Variants in LNX2 observed in about 807,000 individuals in gnomAD.
LNX2 encodes the protein ligand of numb-protein X 2.
A neutral mutation model predicts 66.2 loss-of-function variants in LNX2; 35 were observed. The observed-to-expected ratio is 0.53, with a 90% CI of 0.40 to 0.70. The LOEUF (loss-of-function observed/expected upper bound fraction) is 0.70. Ranked by LOEUF, LNX2 falls within the 30% of genes least tolerant of loss-of-function variation. The pLI, the probability that LNX2 is intolerant of heterozygous loss-of-function variation, is 0.00. For synonymous variants in LNX2, 337 were observed against 315.6 expected (o/e 1.07, Z -0.72); for missense variants, 791 against 850.8 (o/e 0.93, Z 0.87).
chr13:27,559,862 T>C lies in LNX2; in HGVS notation c.1348A>G (p.Ser450Gly). ...CTCACCTTATGTGAGCTTGGTCTGC[T>C]ATAATACGGTGGTGGTGTGTGGTGC... ...SQHHTPPPYY[S>G]RPSSHKDLTQ... The change falls in exon 6 of 10, where the codon AGC (serine) becomes GGC (glycine). Residue 450 changes from serine to glycine, a missense_variant. Coordinates refer to ENST00000316334, the MANE Select transcript of LNX2 (RefSeq NM_153371.4). 1 of 1,602,966 alleles carries C rather than the reference T, an allele frequency of 6.2e-7. No individual in the cohort carries two copies. Among genetic ancestry groups the C allele is most frequent in the African/African-American group, 1.3e-5 (1 of 74,468 alleles).
At chr13:27,553,151 A>AG (rs1955024002) in intron 8 of LNX2, 57 bp downstream of exon 8, 1 of 1,426,020 alleles carries the variant, frequency 7.0e-7, no homozygotes, top group African/African-American at 1.4e-5. Context: ...CTACACACTG[A>AG]TAAGGGCTGC....
intron 4 of LNX2, among the ~76,000 whole-genome samples, chr13:27,564,851 T>C (rs1000210845): frequency 6.6e-6 from 1 of 152,214 alleles, no homozygotes; most frequent in Non-Finnish European, 1.5e-5. Context: ...AATAGGCCTC[T>C]TTCCAAGTGT....
chr13:27,581,758 C>T lies in LNX2; in HGVS notation c.-55G>A. The T allele has an allele frequency of 6.9e-7, 1 of 1,453,178 alleles. No individual in the cohort carries two copies. The highest frequency in any genetic ancestry group is 9.3e-7 in the Non-Finnish European group (1 of 1,074,718). 90.0% of individuals were successfully genotyped at this position (1,453,178 alleles called of 1,614,324 possible). On this transcript the variant is annotated 5_prime_UTR_variant, in exon 2 of 10. Transcript: ENST00000316334. ...AGACTTCCACTTCACGCTTGGTTTC[C>T]TTTAACAGACAGTGATGTATCTGAC...
At chr13:27,582,422 T>C (rs915092351) in intron 1 of LNX2, among the ~76,000 whole-genome samples, 10 of 152,322 alleles carry the variant, frequency 6.6e-5, no homozygotes, top group African/African-American at 2.2e-4. Flanking sequence ...CGATTTGTTT[T>C]ACTGACTGAA....
In LNX2 at chr13:27,583,255, T is replaced by TGCGTGCGCGCGCGC. The variant is rs1555268513; in HGVS notation, c.-100-1453_-100-1452insGCGCGCGCGCACGC. Among the ~76,000 whole-genome samples, 16 of 58,528 alleles carry TGCGTGCGCGCGCGC rather than the reference T, an allele frequency of 2.7e-4. 7 individuals carry two copies. Among genetic ancestry groups the TGCGTGCGCGCGCGC allele is most frequent in the East Asian group, 1.4e-3 (2 of 1,388 alleles). The allele number at this position is 58,528 out of a possible 152,430, so 38.4% of individuals were successfully genotyped here. ...GTGTGTGTGTGTGTGTGTGTGTGTG[T>TGCGTGCGCGCGCGC]GCGCGCGTCCTCTCCAACATACTTA... On this transcript the variant is annotated intron_variant, in intron 1 of 9. Transcript: ENST00000316334.
chr13:27,555,121 G>C (rs928940411), intron 7 of LNX2, among the ~76,000 whole-genome samples: 3 of 152,062 alleles, frequency 2.0e-5, no homozygotes, highest in African/African-American at 2.4e-5. Flanking sequence ...GCTAATTTTT[G>C]TATTTTTTGT....
chr13:27,601,682 T>G (rs1308931017), intron 1 of LNX2, among the ~76,000 whole-genome samples: 1 of 152,110 alleles, frequency 6.6e-6, no homozygotes, highest in Non-Finnish European at 1.5e-5. Flanking sequence ...TTCCCAAAAA[T>G]TTTTTAAAAT....
chr13:27,588,243 A>T (rs1955512943), intron 1 of LNX2, among the ~76,000 whole-genome samples: 1 of 152,218 alleles, frequency 6.6e-6, no homozygotes, highest in Non-Finnish European at 1.5e-5. Flanking sequence ...TTTTATTTGT[A>T]GTAGCCAGAA....
At position 27,547,973 on chromosome 13, in the gene LNX2, A is replaced by G. The variant is rs1232817084; in HGVS notation, c.*362T>C. 5 of 230,320 alleles carry G rather than the reference A, an allele frequency of 2.2e-5. No homozygotes were observed. The highest frequency in any genetic ancestry group is 4.3e-5 in the Non-Finnish European group (5 of 116,012). The allele number at this position is 230,320 out of a possible 1,614,324, so 14.3% of individuals were successfully genotyped here. A position where few individuals can be genotyped will look rare whatever the true frequency, so the allele number is the denominator to read the frequency against. ...TTTGCTGACATCAGGCCTGAGGGAT[A>G]CAGAACTCGTTCTATGATTCAGTTA... On this transcript the variant is annotated 3_prime_UTR_variant, in exon 10 of 10. Coordinates refer to ENST00000316334, the MANE Select transcript of LNX2 (RefSeq NM_153371.4).
In LNX2 at chr13:27,559,891, C is replaced by T; in HGVS notation, c.1319G>A (p.Ser440Asn). ...ATACGGTGGTGGTGTGTGGTGCTGGCTGCTGCTGCTATGATTTCCTGCTTC... is the reference window on the plus strand; with the variant it reads ...ATACGGTGGTGGTGTGTGGTGCTGGTTGCTGCTGCTATGATTTCCTGCTTC... ...IREAGNHSSS[S>N]QHHTPPPYYS... The change falls in exon 6 of 10, where the codon AGC becomes AAC. Residue 440 changes from serine to asparagine, a missense_variant. Physicochemically the swap from Ser to Asn is conservative, Grantham distance 46 (BLOSUM62 1). Transcript: ENST00000316334. 6.2e-7 allele frequency: 1 copy of T among 1,609,548 alleles called. No individual in the cohort carries two copies. Among genetic ancestry groups the T allele is most frequent in the Non-Finnish European group, 8.5e-7 (1 of 1,177,218 alleles).
chr13:27,600,502 A>T (rs1418889948), intron 1 of LNX2, among the ~76,000 whole-genome samples: 1 of 152,354 alleles, frequency 6.6e-6, no homozygotes, highest in East Asian at 1.9e-4. Flanking sequence ...ATTACTCAGT[A>T]GGTAAAGAAA....
At chr13:27,558,777 CT>C (rs1313068429) in intron 6 of LNX2, among the ~76,000 whole-genome samples, 3 of 152,048 alleles carry the variant, frequency 2.0e-5, no homozygotes, top group Non-Finnish European at 1.5e-5. Flanking sequence ...ATTATAATTT[CT>C]TTTTAGTATT....
At chr13:27,600,933 G>A (rs1167777254) in intron 1 of LNX2, among the ~76,000 whole-genome samples, 1 of 152,160 alleles carries the variant, frequency 6.6e-6, no homozygotes, top group East Asian at 1.9e-4. Flanking sequence ...AAAGACTAAA[G>A]TGGCTTAACA....
chr13:27,601,512 A>G (rs568307844), intron 1 of LNX2, among the ~76,000 whole-genome samples: 1 of 152,314 alleles, frequency 6.6e-6, no homozygotes, highest in African/African-American at 2.4e-5. Flanking sequence ...TAACTCCTCA[A>G]ATAAGGCTAT....
In LNX2 at chr13:27,556,355, T is replaced by A; in HGVS notation, c.1427A>T (p.His476Leu). The change falls in exon 7 of 10, where the codon CAT becomes CTT. Residue 476 changes from histidine (H) to leucine (L), a missense_variant. Physicochemically the swap from His to Leu is moderately conservative, Grantham distance 99. Coordinates refer to ENST00000316334, the MANE Select transcript of LNX2 (RefSeq NM_153371.4). ...AGCAACGGTCATGCCAAGGGATTCA[T>A]GTGGTTCCTTCTTTACAGTAATGTG... ...EKHITVKKEP[H>L]ESLGMTVAGG... 1 of 1,614,076 alleles carries A rather than the reference T, an allele frequency of 6.2e-7. No homozygotes were observed. The highest frequency in any genetic ancestry group is 8.5e-7 in the Non-Finnish European group (1 of 1,179,964).
intron 2 of LNX2, among the ~76,000 whole-genome samples, chr13:27,573,308 GCTTGT>G (rs1047011396): frequency 2.6e-5 from 4 of 152,158 alleles, no homozygotes; most frequent in African/African-American, 9.6e-5. Context: ...CCTCTTGTGT[GCTTGT>G]CTTTTTTCTT....
chr13:27,557,111 C>A (rs1201174715), intron 6 of LNX2, among the ~76,000 whole-genome samples: 3 of 152,128 alleles, frequency 2.0e-5, no homozygotes, highest in Non-Finnish European at 4.4e-5. Context: ...CATCACTTTT[C>A]TTTTGAATTA....
chr13:27,583,261 C>CGTGT lies in LNX2; in HGVS notation c.-100-1459_-100-1458insACAC, dbSNP rs1555268534. Among the ~76,000 whole-genome samples the CGTGT allele has an allele frequency of 6.4e-4, 29 of 45,488 alleles. 10 individuals carry two copies. The highest frequency in any genetic ancestry group is 1.6e-3 in the African/African-American group (19 of 11,800). The allele number at this position is 45,488 out of a possible 152,430, so 29.8% of individuals were successfully genotyped here. On this transcript the variant is annotated intron_variant, in intron 1 of 9. Coordinates refer to ENST00000316334, the MANE Select transcript of LNX2 (RefSeq NM_153371.4). ...GTGTGTGTGTGTGTGTGTGTGCGCG[C>CGTGT]GTCCTCTCCAACATACTTATTTTTA...
At chr13:27,578,199 C>T (rs887798062) in intron 2 of LNX2, among the ~76,000 whole-genome samples, 6 of 152,140 alleles carry the variant, frequency 3.9e-5, no homozygotes, top group Admixed American at 1.3e-4. Flanking sequence ...CAAATTTATG[C>T]AAACTACTGC....
Sources: gnomAD v4.1 joint callset for allele counts (sites outside exome capture counted in the v4.1 genomes callset) on GRCh38, gnomAD v4.1.1 for gene constraint, MANE v1.5 for transcripts, NCBI Gene and HGNC (gene_info 2026-07-23, HGNC 2026-07-21) for gene names.